The following ANK2 variants were observed in gnomAD, a reference collection of about 807,000 sequenced individuals.
The protein encoded by ANK2 is ankyrin 2, also known as ankyrin-2.
In ANK2, 83 loss-of-function variants were observed where a neutral mutation model predicts 360.5. The observed-to-expected ratio is 0.23, with a 90% confidence interval of 0.19 to 0.28. The LOEUF (loss-of-function observed/expected upper bound fraction) is 0.28. Among genes scored for constraint, ANK2 ranks in the 10% least tolerant of loss-of-function variants. ANK2 has a pLI of 1.00. For missense variants in ANK2, 4,201 were observed against 4,795.7 expected, an observed-to-expected ratio of 0.88 and a Z score of 3.66; for synonymous variants, 1,740 against 1,759.5, an observed-to-expected ratio of 0.99 and a Z score of 0.28.
intron 1 of ANK2, among the ~76,000 whole-genome samples, chr4:113,143,724 G>A (rs2096729078): frequency 6.6e-6 from 1 of 152,124 alleles, no homozygotes; most frequent in African/African-American, 2.4e-5. Flanking sequence ...GTGGACCACA[G>A]ACCTTCTCCA....
At chr4:112,976,780 C>A (rs1224870565) in intron 2 of ANK2, among the ~76,000 whole-genome samples, 1 of 151,932 alleles carries the variant, frequency 6.6e-6, no homozygotes, top group African/African-American at 2.4e-5. Flanking sequence ...TCTTTGTGAC[C>A]CTGCTCTACT....
chr4:112,825,168 A>G (rs1404042781), intron 1 of ANK2, among the ~76,000 whole-genome samples: 1 of 152,108 alleles, frequency 6.6e-6, no homozygotes, highest in Non-Finnish European at 1.5e-5. Context: ...GGTGGGGAAC[A>G]TCACATACCA....
At chr4:113,145,192 G>A (rs1314163826) in intron 1 of ANK2, among the ~76,000 whole-genome samples, 1 of 152,154 alleles carries the variant, frequency 6.6e-6, no homozygotes, top group Non-Finnish European at 1.5e-5. Context: ...AGTGTCAGGT[G>A]AGCCATTTGA....
At position 113,130,944 on chromosome 4, in the gene ANK2, A is replaced by T. The variant is rs375961796; in HGVS notation, c.85-43472A>T. 5.4e-4 allele frequency among the ~76,000 whole-genome samples: 83 copies of T among 152,338 alleles called. 1 individual carries two copies. Among genetic ancestry groups the T allele is most frequent in the African/African-American group, 1.9e-3 (77 of 41,582 alleles). Reference sequence around the variant, plus strand: ...AGAGCTTTGTGCTATTTTCATTTTTATAAATTAACAAGGAAATTAAAGATG... The same window carrying T: ...AGAGCTTTGTGCTATTTTCATTTTTTTAAATTAACAAGGAAATTAAAGATG... On this transcript the variant is annotated intron_variant, in intron 1 of 45. Coordinates refer to ENST00000357077, the MANE Select transcript of ANK2 (RefSeq NM_001148.6).
At chr4:113,275,903 TA>T (rs1304987895) in intron 15 of ANK2, among the ~76,000 whole-genome samples, 3 of 150,850 alleles carry the variant, frequency 2.0e-5, no homozygotes, top group African/African-American at 7.3e-5. Context: ...CATGGTAAAT[TA>T]GGGCGATAAA....
At chr4:112,889,911 G>A (rs1031151540) in intron 1 of ANK2, among the ~76,000 whole-genome samples, 13 of 152,210 alleles carry the variant, frequency 8.5e-5, no homozygotes, top group African/African-American at 2.2e-4. Context: ...CTGTGGGACC[G>A]TGATGTTTTC....
At chr4:112,942,164 A>G (rs2094274239) in intron 2 of ANK2, among the ~76,000 whole-genome samples, 1 of 152,034 alleles carries the variant, frequency 6.6e-6, no homozygotes. Context: ...TCTGTTATCC[A>G]AATTTTAGAA....
rs759670378 is a variant in ANK2, at chr4:113,333,083, C to T, written c.3254C>T (p.Ala1085Val). The change falls in exon 29 of 46, where the codon GCG (alanine) becomes GTG (valine). Residue 1085 changes from alanine to valine, a missense_variant. By Grantham distance (64) the Ala-to-Val change is moderately conservative. Transcript: ENST00000357077. ...GTGATCGTGGAGATCCCTCACTTTGCGGCCCTTCGAGGAAAGGAAAGGGAA... is the reference window on the plus strand; with the variant it reads ...GTGATCGTGGAGATCCCTCACTTTGTGGCCCTTCGAGGAAAGGAAAGGGAA... ...GPVIVEIPHF[A>V]ALRGKERELV... 1.2e-6 allele frequency: 2 copies of T among 1,614,050 alleles called. No individual in the cohort carries two copies. Among genetic ancestry groups the T allele is most frequent in the Non-Finnish European group, 1.7e-6 (2 of 1,180,034 alleles).
intron 20 of ANK2, among the ~76,000 whole-genome samples, 153 bp downstream of exon 20, chr4:113,288,639 G>T (rs1159753929): frequency 1.3e-5 from 2 of 152,100 alleles, no homozygotes; most frequent in Non-Finnish European, 2.9e-5. Flanking sequence ...GTAATTATTT[G>T]AGAATTTTCA....
At chr4:113,199,139 A>C in intron 4 of ANK2, 30 bp downstream of exon 4, 1 of 1,510,508 alleles carries the variant, frequency 6.6e-7, no homozygotes, top group East Asian at 2.3e-5. Context: ...CCTGATGTAC[A>C]TACATTTAAA....
At chr4:112,856,973 C>A (rs578041562) in intron 1 of ANK2, among the ~76,000 whole-genome samples, 1 of 152,168 alleles carries the variant, frequency 6.6e-6, no homozygotes, top group East Asian at 1.9e-4. Flanking sequence ...AACAACTTAA[C>A]AGGAACTTTG....
At chr4:112,709,866 G>T in the ANK2 span, among the ~76,000 whole-genome samples, 1 of 152,222 alleles carries the variant, frequency 6.6e-6, no homozygotes, top group South Asian at 2.1e-4. Flanking sequence ...AGAGCTTTAA[G>T]ACCGTCTGTC....
chr4:113,336,523 T>G, intron 30 of ANK2, 54 bp from the exon 31 acceptor site: 1 of 1,438,738 alleles, frequency 7.0e-7, no homozygotes, highest in East Asian at 2.5e-5. Context: ...TGATTCATTC[T>G]TTATTTTAAA....
chr4:113,317,609 A>C (rs2083584030), intron 24 of ANK2, 98 bp from the exon 25 acceptor site: 4 of 895,622 alleles, frequency 4.5e-6, no homozygotes, highest in Non-Finnish European at 5.5e-6. Flanking sequence ...GTTAGCTAAT[A>C]GCACGCTTTT....
At chr4:113,087,878 T>C (rs947049904) in intron 1 of ANK2, among the ~76,000 whole-genome samples, 80 of 152,286 alleles carry the variant, frequency 5.3e-4, no homozygotes, top group East Asian at 1.9e-4. Flanking sequence ...ATTTATTCAC[T>C]TCATTGTCTT....
chr4:112,939,603 C>A (rs2094044325), intron 2 of ANK2, among the ~76,000 whole-genome samples: 2 of 152,186 alleles, frequency 1.3e-5, no homozygotes, highest in Non-Finnish European at 2.9e-5. Context: ...GCTTAAGCCA[C>A]CATGCCCGGC....
chr4:112,934,981 G>A (rs1397606696), intron 2 of ANK2, among the ~76,000 whole-genome samples: 1 of 152,184 alleles, frequency 6.6e-6, no homozygotes, highest in Non-Finnish European at 1.5e-5. Context: ...TTGGAGGAAA[G>A]AATCTTCCAT....
chr4:112,813,495 T>A (rs531028151), upstream of ANK2, among the ~76,000 whole-genome samples: 1 of 152,140 alleles, frequency 6.6e-6, no homozygotes, highest in South Asian at 2.1e-4. Context: ...CATTTTCAAC[T>A]TTCTATACTA....
At chr4:113,197,738 T>C (rs896965639) in intron 3 of ANK2, among the ~76,000 whole-genome samples, 1 of 152,216 alleles carries the variant, frequency 6.6e-6, no homozygotes, top group African/African-American at 2.4e-5. Context: ...AACTAACAAC[T>C]GGCAATTCCA....
Sources: gnomAD v4.1 joint callset for allele counts (sites outside exome capture counted in the v4.1 genomes callset) on GRCh38, gnomAD v4.1.1 for gene constraint, MANE v1.5 for transcripts, NCBI Gene and HGNC (gene_info 2026-07-23, HGNC 2026-07-21) for gene names.